Variants in ATP9A observed in about 807,000 individuals in gnomAD.
The protein encoded by ATP9A is ATPase phospholipid transporting 9A.
Under a neutral mutation model 144.1 loss-of-function variants are expected in ATP9A, and 52 were observed. The observed-to-expected ratio is 0.36, with a 90% CI of 0.29 to 0.45. ATP9A has a LOEUF of 0.45. ATP9A is among the 20% of genes least tolerant of loss of function. The pLI is 1.00. For synonymous variants in ATP9A, 582 were observed against 557.4 expected (o/e 1.04, Z -0.62); for missense variants, 947 against 1,392.7 (o/e 0.68, Z 5.09).
intron 8 of ATP9A, among the ~76,000 whole-genome samples, chr20:51,690,170 C>T (rs2077541403): frequency 6.8e-6 from 1 of 147,226 alleles, no homozygotes; most frequent in Admixed American, 6.8e-5. Flanking sequence ...CCTGTAATCC[C>T]AGCACTTTGG....
intron 21 of ATP9A, among the ~76,000 whole-genome samples, chr20:51,617,835 G>A (rs112484039): frequency 1.1e-4 from 17 of 152,322 alleles, no homozygotes; most frequent in South Asian, 1.0e-3. Flanking sequence ...TGTCCTCCTC[G>A]GAGGCCGGGA....
At chr20:51,689,011 G>C in intron 9 of ATP9A, 53 bp downstream of exon 9, 1 of 1,569,046 alleles carries the variant, frequency 6.4e-7, no homozygotes. Flanking sequence ...AATTACAAAA[G>C]GATTTTCTTT....
intron 4 of ATP9A, among the ~76,000 whole-genome samples, chr20:51,711,584 A>T (rs138910833): frequency 6.6e-6 from 1 of 152,174 alleles, no homozygotes; most frequent in Non-Finnish European, 1.5e-5. Flanking sequence ...GGGATCAGTC[A>T]TCTTAGGGGA....
rs115985716 is a variant in ATP9A, at chr20:51,701,756, C to T, written c.437-4274G>A. Among the ~76,000 whole-genome samples, 1,283 of 152,276 alleles carry T rather than the reference C, an allele frequency of 8.4e-3. 17 individuals are homozygous for T. Among genetic ancestry groups the T allele is most frequent in the African/African-American group, 0.029 (1,200 of 41,548 alleles). On this transcript the variant is annotated intron_variant, in intron 4 of 27. Coordinates refer to ENST00000338821, the MANE Select transcript of ATP9A (RefSeq NM_006045.3). ...TGCAGTGTTTTGAGGGGATGAGCCT[C>T]GGATCTGCAGCTTGAACAAACACAG...
intron 11 of ATP9A, among the ~76,000 whole-genome samples, chr20:51,673,399 C>T (rs913550355): frequency 4.6e-5 from 7 of 151,968 alleles, no homozygotes; most frequent in Non-Finnish European, 8.8e-5. Context: ...AATAAATAAC[C>T]ATTTATTCAA....
intron 19 of ATP9A, among the ~76,000 whole-genome samples, chr20:51,621,239 GGGA>G (rs1433675895): frequency 1.3e-5 from 2 of 151,922 alleles, no homozygotes; most frequent in African/African-American, 2.4e-5. Flanking sequence ...GATAAATTTT[GGGA>G]GGAGGAGAAT....
chr20:51,693,372 C>T (rs2077556448), intron 7 of ATP9A, among the ~76,000 whole-genome samples: 1 of 152,154 alleles, frequency 6.6e-6, no homozygotes, highest in Non-Finnish European at 1.5e-5. Context: ...ATGACAGACC[C>T]GACAGGCTGG....
intron 6 of ATP9A, among the ~76,000 whole-genome samples, chr20:51,694,954 A>G (rs2077564267): frequency 6.6e-6 from 1 of 152,208 alleles, no homozygotes; most frequent in African/African-American, 2.4e-5. Flanking sequence ...ACGAATTTAA[A>G]GACAAAGCTG....
intron 15 of ATP9A, among the ~76,000 whole-genome samples, chr20:51,635,595 A>C (rs1277399042): frequency 2.0e-5 from 3 of 151,518 alleles, no homozygotes; most frequent in Admixed American, 1.3e-4. Flanking sequence ...GAATTAGCAG[A>C]GCATGGTGGT....
Position 51,599,319 on chromosome 20 carries a change from T to C in ATP9A, c.*1892A>G, listed in dbSNP as rs2077132530. The C allele has an allele frequency of 6.6e-6, 1 of 152,210 alleles. No individual in the cohort carries two copies. The highest frequency in any genetic ancestry group is 1.5e-5 in the Non-Finnish European group (1 of 68,036). 9.4% of individuals were successfully genotyped at this position (152,210 alleles called of 1,614,324 possible). A position where few individuals can be genotyped will look rare whatever the true frequency, so the allele number is the denominator to read the frequency against. ...AGACTTGCCAGTGTTACAGACTGAT[T>C]TCCAAGAAAACGGAGGCTTAAAAAC... On this transcript the variant is annotated 3_prime_UTR_variant, in exon 28 of 28. Coordinates refer to ENST00000338821, the MANE Select transcript of ATP9A (RefSeq NM_006045.3).
At chr20:51,638,991 C>A (rs1488978595) in intron 15 of ATP9A, among the ~76,000 whole-genome samples, 4 of 151,920 alleles carry the variant, frequency 2.6e-5, no homozygotes, top group African/African-American at 9.7e-5. Context: ...GGACTAAATG[C>A]CACTGAAGTT....
chr20:51,721,792 C>A (rs1380028454), intron 3 of ATP9A, among the ~76,000 whole-genome samples: 6 of 134,204 alleles, frequency 4.5e-5, no homozygotes, highest in African/African-American at 1.7e-4. Flanking sequence ...CAGAGCAAGA[C>A]TCCATCTCAA....
In ATP9A at chr20:51,724,053, C is replaced by A. The variant is rs192312699; in HGVS notation, c.327+1766G>T. 8.9e-3 allele frequency among the ~76,000 whole-genome samples: 1,357 copies of A among 151,946 alleles called. 19 individuals are homozygous for A. The highest frequency in any genetic ancestry group is 0.031 in the African/African-American group (1,285 of 41,468). On this transcript the variant is annotated intron_variant, in intron 3 of 27. Transcript: ENST00000338821. The stretch of plus-strand genomic sequence containing the variant: ...GGGCACAGTGGCGGGCACCTGTAAT[C>A]CCAGCTACTCGGGAGGCTGAGGCAG...
intron 1 of ATP9A, among the ~76,000 whole-genome samples, chr20:51,748,656 G>A (rs1444007639): frequency 6.6e-6 from 1 of 152,186 alleles, no homozygotes; most frequent in Non-Finnish European, 1.5e-5. Context: ...ACCTCAGGGA[G>A]GACATTTTGA....
intron 9 of ATP9A, among the ~76,000 whole-genome samples, chr20:51,678,907 T>A (rs1017609298): frequency 5.9e-5 from 9 of 152,094 alleles, no homozygotes; most frequent in African/African-American, 2.2e-4. Flanking sequence ...CCCAGCCTCA[T>A]CCTCAGTGAG....
intron 3 of ATP9A, 141 bp from the exon 4 acceptor site, chr20:51,713,215 T>A: frequency 1.4e-6 from 1 of 711,006 alleles, no homozygotes; most frequent in Non-Finnish European, 2.5e-6. Context: ...TTATTCCAAA[T>A]GCACACGCCG....
Position 51,600,191 on chromosome 20 carries a change from G to C in ATP9A, c.*1020C>G, listed in dbSNP as rs2077136363. ...TCCGAAAGATGCCTCTGCCTTTGTGGGGTCATCTTCCATTATGCCTCCTAA... is the reference window on the plus strand; with the variant it reads ...TCCGAAAGATGCCTCTGCCTTTGTGCGGTCATCTTCCATTATGCCTCCTAA... On this transcript the variant is annotated 3_prime_UTR_variant, in exon 28 of 28. Coordinates refer to ENST00000338821, the MANE Select transcript of ATP9A (RefSeq NM_006045.3). 6.6e-6 allele frequency: 1 copy of C among 152,158 alleles called. No individual in the cohort carries two copies. The highest frequency in any genetic ancestry group is 1.5e-5 in the Non-Finnish European group (1 of 68,050). The allele number at this position is 152,158 out of a possible 1,614,324, so 9.4% of individuals were successfully genotyped here. A position where few individuals can be genotyped will look rare whatever the true frequency, so the allele number is the denominator to read the frequency against.
At chr20:51,629,153 A>T in intron 15 of ATP9A, 81 bp from the exon 16 acceptor site, 1 of 1,100,704 alleles carries the variant, frequency 9.1e-7, no homozygotes, top group South Asian at 1.4e-5. Flanking sequence ...CATGACAGAC[A>T]GTGTACAAAG....
chr20:51,766,277 G>C (rs1369095960), intron 1 of ATP9A, among the ~76,000 whole-genome samples: 1 of 152,168 alleles, frequency 6.6e-6, no homozygotes, highest in Non-Finnish European at 1.5e-5. Context: ...AATCAGAAAA[G>C]GCTAGTTAAG....
Sources: gnomAD v4.1 joint callset for allele counts (sites outside exome capture counted in the v4.1 genomes callset) on GRCh38, gnomAD v4.1.1 for gene constraint, MANE v1.5 for transcripts, NCBI Gene and HGNC (gene_info 2026-07-23, HGNC 2026-07-21) for gene names.